Variants in RGSL1 observed in about 807,000 individuals in gnomAD.
RGSL1 encodes the protein regulator of G protein signaling protein-like.
A neutral mutation model predicts 124.7 loss-of-function variants in RGSL1; 97 were observed. The observed-to-expected ratio is 0.78, with a 90% CI of 0.66 to 0.92. RGSL1 has a LOEUF of 0.92. Among genes scored for constraint, RGSL1 ranks in the 40% least tolerant of loss-of-function variants. The pLI, the probability that RGSL1 is intolerant of heterozygous loss-of-function variation, is 0.00. For missense variants in RGSL1, 1,233 were observed against 1,288.4 expected, an observed-to-expected ratio of 0.96 and a Z score of 0.66; for synonymous variants, 424 against 438.1, an observed-to-expected ratio of 0.97 and a Z score of 0.40.
intron 11 of RGSL1, among the ~76,000 whole-genome samples, chr1:182,528,995 C>T (rs576183397): frequency 1.4e-4 from 22 of 152,230 alleles, no homozygotes; most frequent in African/African-American, 5.3e-4. Flanking sequence ...AACTCTCCCA[C>T]TAGCACAAGA....
intron 4 of RGSL1, among the ~76,000 whole-genome samples, chr1:182,461,313 GTAA>G (rs35515032): frequency 1.0e-4 from 15 of 150,584 alleles, no homozygotes; most frequent in East Asian, 2.0e-4. Context: ...ATATCCTACA[GTAA>G]TAATAATAAT....
rs1369059114 is a variant in RGSL1 at position 182,450,342 on chromosome 1, C to T, written c.13+164C>T. 5 of 755,204 alleles carry T rather than the reference C, an allele frequency of 6.6e-6. No individual in the cohort carries two copies. The East Asian group carries it at 8.0e-5, about 12-fold the overall frequency. The allele number at this position is 755,204 out of a possible 1,614,324, so 46.8% of individuals were successfully genotyped here. A position where few individuals can be genotyped will look rare whatever the true frequency, so the allele number is the denominator to read the frequency against. On this transcript the variant is annotated intron_variant, in intron 1 of 21. Transcript: ENST00000294854. The stretch of plus-strand genomic sequence containing the variant: ...CTTCTCTTTCTCCTTCTTCCCCTTC[C>T]TCCTACCTTCTGCCACCAGATCTTT...
chr1:182,467,856 G>A (rs1653476124), intron 4 of RGSL1, among the ~76,000 whole-genome samples: 1 of 152,124 alleles, frequency 6.6e-6, no homozygotes, highest in Non-Finnish European at 1.5e-5. Context: ...GAAAATTTTT[G>A]CAATCTACTC....
intron 6 of RGSL1, among the ~76,000 whole-genome samples, chr1:182,476,354 A>G (rs1654288304): frequency 6.6e-6 from 1 of 152,176 alleles, no homozygotes; most frequent in African/African-American, 2.4e-5. Context: ...AGCCTATCAC[A>G]GTTACTCAGA....
chr1:182,554,797 C>A, intron 20 of RGSL1, 104 bp downstream of exon 20: 1 of 1,116,834 alleles, frequency 9.0e-7, no homozygotes, highest in Non-Finnish European at 1.3e-6. Context: ...CATACCCTGC[C>A]TCTCCTTGGC....
intron 6 of RGSL1, among the ~76,000 whole-genome samples, chr1:182,475,555 GA>G (rs1654224381): frequency 6.6e-6 from 1 of 152,290 alleles, no homozygotes; most frequent in African/African-American, 2.4e-5. Flanking sequence ...CTAGAACCAG[GA>G]GAGAAAGAGC....
At chr1:182,509,788 G>A (rs368852321) in intron 9 of RGSL1, among the ~76,000 whole-genome samples, 10 of 127,638 alleles carry the variant, frequency 7.8e-5, no homozygotes, top group Admixed American at 2.9e-4. Flanking sequence ...CCTCCCTCCC[G>A]GATGGGGCGG....
chr1:182,448,657 A>C (rs1651617842), upstream of RGSL1, among the ~76,000 whole-genome samples: 1 of 152,206 alleles, frequency 6.6e-6, no homozygotes, highest in African/African-American at 2.4e-5. Flanking sequence ...TTTTAACAAC[A>C]ACCCTGTCAA....
chr1:182,524,963 A>T (rs1658634646), intron 10 of RGSL1, among the ~76,000 whole-genome samples: 1 of 152,180 alleles, frequency 6.6e-6, no homozygotes, highest in African/African-American at 2.4e-5. Context: ...TCATTGGGTG[A>T]TCATGAGGCC....
chr1:182,536,451 C>A (rs1014143774), intron 14 of RGSL1, among the ~76,000 whole-genome samples: 3 of 152,196 alleles, frequency 2.0e-5, no homozygotes, highest in African/African-American at 7.2e-5. Flanking sequence ...CCCATCCTCA[C>A]CAACCTTTGG....
Position 182,489,127 on chromosome 1 carries a change from C to T in RGSL1, c.1642C>T (p.Arg548Ter). The T allele has an allele frequency of 2.6e-6, 4 of 1,551,662 alleles. No individual in the cohort carries two copies. Among genetic ancestry groups the T allele is most frequent in the Middle Eastern group, 3.3e-4 (2 of 5,990 alleles). Residue 548 changes from arginine (R) to a stop codon, truncating the protein, a stop_gained, in exon 8 of 22, where the codon CGA (arginine) becomes TGA (stop). Coordinates refer to ENST00000294854, the MANE Select transcript of RGSL1 (RefSeq NM_001137669.2). LOFTEE classifies it high-confidence loss of function. ...DMKEMDYRQW[R>*]KIATEDLKQG... ...GAAGGAAATGGACTATAGGCAGTGG[C>T]GAAAGATAGCTACTGAGGACCTGAA... is the stretch of plus-strand genomic sequence containing the variant.
chr1:182,493,434 G>T lies in RGSL1; in HGVS notation c.1825+305G>T, dbSNP rs1184513323. 5.3e-5 allele frequency among the ~76,000 whole-genome samples: 8 copies of T among 152,162 alleles called. No individual in the cohort carries two copies. In the East Asian group the frequency reaches 1.5e-3, roughly 29 times the overall value. On this transcript the variant is annotated intron_variant, in intron 9 of 21. Transcript: ENST00000294854. ...TTAATGTGAATTCTTCTTCTGTCAA[G>T]TTACCTGGAGGCTGAGATTTGTGAA...
chr1:182,497,905 T>C lies in RGSL1; in HGVS notation c.1825+4776T>C, dbSNP rs144786177. Among the ~76,000 whole-genome samples the C allele has an allele frequency of 2.3e-3, 352 of 152,276 alleles. 2 individuals carry two copies. Among genetic ancestry groups the C allele is most frequent in the African/African-American group, 8.0e-3 (332 of 41,550 alleles). On this transcript the variant is annotated intron_variant, in intron 9 of 21. Transcript: ENST00000294854. Reference sequence around the variant, plus strand: ...ACTGATGATGTTCCCACCCCTCTTTTTGTAGAAATGGGGTCTCACTATGTT... The same window carrying C: ...ACTGATGATGTTCCCACCCCTCTTTCTGTAGAAATGGGGTCTCACTATGTT...
Position 182,556,146 on chromosome 1 carries a change from G to T in RGSL1, c.*89G>T. 2.3e-6 allele frequency: 3 copies of T among 1,284,060 alleles called. No individual in the cohort carries two copies. Among genetic ancestry groups the T allele is most frequent in the Admixed American group, 2.3e-5 (1 of 42,952 alleles). The allele number at this position is 1,284,060 out of a possible 1,614,324, so 79.5% of individuals were successfully genotyped here. Reference sequence around the variant, plus strand: ...TTTCTGGTCAAAAATGAAAGGTCCTGGTACCATCTTCCCCAGAAACGATCA... The same window carrying T: ...TTTCTGGTCAAAAATGAAAGGTCCTTGTACCATCTTCCCCAGAAACGATCA... On this transcript the variant is annotated 3_prime_UTR_variant, in exon 21 of 22. Coordinates refer to ENST00000294854, the MANE Select transcript of RGSL1 (RefSeq NM_001137669.2).
At chr1:182,554,549 C>A in intron 19 of RGSL1, 78 bp from the exon 20 acceptor site, 2 of 1,297,432 alleles carry the variant, frequency 1.5e-6, no homozygotes, top group Non-Finnish European at 1.1e-6. Context: ...CCAGCATGGT[C>A]CTCCAGGGTG....
intron 8 of RGSL1, among the ~76,000 whole-genome samples, chr1:182,491,960 A>G (rs1655560206): frequency 6.6e-6 from 1 of 152,208 alleles, no homozygotes; most frequent in Non-Finnish European, 1.5e-5. Context: ...CATTTTGGAT[A>G]CAAAAAGGTA....
chr1:182,464,736 A>G (rs181052895), intron 4 of RGSL1, among the ~76,000 whole-genome samples: 205 of 151,930 alleles, frequency 1.3e-3, no homozygotes, highest in Non-Finnish European at 1.6e-3. Context: ...AGAAAAAAAA[A>G]AAAAGAAAAG....
chr1:182,532,050 C>T (rs138202584), intron 13 of RGSL1, among the ~76,000 whole-genome samples: 2 of 152,260 alleles, frequency 1.3e-5, no homozygotes, highest in East Asian at 1.9e-4. Context: ...TCTCTGTAGA[C>T]TGAGACAACT....
In RGSL1 at chr1:182,532,690, T is replaced by A; in HGVS notation, c.2393T>A (p.Phe798Tyr). The change falls in exon 14 of 22, where the codon TTT (phenylalanine) becomes TAT (tyrosine). Residue 798 changes from phenylalanine to tyrosine, a missense_variant. Transcript: ENST00000294854. ...QKKGWMRMIS[F>Y]IRSFCKYRRF... The stretch of plus-strand genomic sequence containing the variant: ...AAAGGCTGGATGAGAATGATCAGCT[T>A]TATCAGGAGTTTTTGCAAGTACCGC... 6.4e-7 allele frequency: 1 copy of A among 1,550,982 alleles called. No individual in the cohort carries two copies. The highest frequency in any genetic ancestry group is 8.7e-7 in the Non-Finnish European group (1 of 1,146,412).
Sources: allele counts gnomAD v4.1 joint callset (sites outside exome capture counted in the v4.1 genomes callset), GRCh38; gene constraint gnomAD v4.1.1; transcripts MANE v1.5; gene names NCBI Gene and HGNC (gene_info 2026-07-23, HGNC 2026-07-21).